Variants in SLC29A3 observed in about 807,000 individuals in gnomAD.
The protein encoded by SLC29A3 is equilibrative nucleoside transporter 3.
Under a neutral mutation model 25.4 loss-of-function variants are expected in SLC29A3, and 18 were observed. That is an observed-to-expected ratio of 0.71 (90% confidence interval 0.49 to 1.05). SLC29A3 has a LOEUF of 1.05. Ranked by LOEUF, SLC29A3 falls within the 50% of genes least tolerant of loss-of-function variation. SLC29A3 has a pLI of 0.00. For missense variants in SLC29A3, 586 were observed against 609.0 expected, an observed-to-expected ratio of 0.96 and a Z score of 0.40; for synonymous variants, 258 against 267.1, an observed-to-expected ratio of 0.97 and a Z score of 0.33.
chr10:71,362,384 G>T lies in SLC29A3; in HGVS notation c.1204G>T (p.Val402Phe). ...LFVLCNYQPRVHLKTVVFQSD... is the reference protein window; with the variant it reads ...LFVLCNYQPRFHLKTVVFQSD... ...CGTGCTCTGTAACTACCAGCCCCGC[G>T]TCCACCTGAAGACTGTGGTCTTCCA... Residue 402 changes from valine (V) to phenylalanine (F), a missense_variant, in exon 6 of 6, where the codon GTC (valine) becomes TTC (phenylalanine). Val to Phe is a conservative substitution (Grantham distance 50). Coordinates refer to ENST00000373189, the MANE Select transcript of SLC29A3 (RefSeq NM_018344.6). The T allele has an allele frequency of 1.2e-6, 2 of 1,614,074 alleles. No individual in the cohort carries two copies. Among genetic ancestry groups the T allele is most frequent in the African/African-American group, 2.7e-5 (2 of 75,012 alleles).
chr10:71,319,858 T>C (rs1280964912), intron 1 of SLC29A3: 1 of 152,378 alleles, frequency 6.6e-6, no homozygotes, highest in Non-Finnish European at 1.5e-5. Context: ...CCAGATGAGG[T>C]TTTGCCGCGG....
intron 2 of SLC29A3, among the ~76,000 whole-genome samples, chr10:71,331,994 G>A (rs1185400924): frequency 1.3e-5 from 2 of 152,144 alleles, no homozygotes; most frequent in Non-Finnish European, 2.9e-5. Context: ...AGGGGAGCAG[G>A]TATCTAGGAG....
chr10:71,324,112 T>C (rs1323860306), intron 2 of SLC29A3, among the ~76,000 whole-genome samples: 3 of 152,082 alleles, frequency 2.0e-5, no homozygotes, highest in Non-Finnish European at 4.4e-5. Flanking sequence ...GGGAGATAAA[T>C]GGAGCTCAAC....
rs1589240715 is a variant in SLC29A3, at chr10:71,356,255, A to G, written c.773+12A>G. The G allele has an allele frequency of 6.2e-7, 1 of 1,612,310 alleles. No individual in the cohort carries two copies. Among genetic ancestry groups the G allele is most frequent in the African/African-American group, 1.3e-5 (1 of 75,008 alleles). On this transcript the variant is annotated intron_variant, in intron 5 of 5. Transcript: ENST00000373189. The stretch of plus-strand genomic sequence containing the variant: ...CTGGAGTATGCCAGGTGAAGGTGCC[A>G]CTCACTGTCCATGCCTCCTTCCTGT...
At chr10:71,330,651 A>C (rs1355422772) in intron 2 of SLC29A3, among the ~76,000 whole-genome samples, 1 of 152,200 alleles carries the variant, frequency 6.6e-6, no homozygotes, top group Non-Finnish European at 1.5e-5. Flanking sequence ...CTGCAGACAC[A>C]GGTAGGGTGG....
chr10:71,348,173 C>G (rs557386489), intron 3 of SLC29A3, among the ~76,000 whole-genome samples: 2 of 152,368 alleles, frequency 1.3e-5, no homozygotes, highest in East Asian at 3.9e-4. Flanking sequence ...AATATTTACC[C>G]AGTGCCTGCC....
At position 71,363,216 on chromosome 10, in the gene SLC29A3, GC is replaced by G. The variant is rs2131853420; in HGVS notation, c.*610del. ...TGCTTCATTCCAGAGGGACCAGAGG[GC>G]CTCCCTGTGCAAGGGATCAAGCATG... On this transcript the variant is annotated 3_prime_UTR_variant, in exon 6 of 6. Transcript: ENST00000373189. The G allele has an allele frequency of 2.2e-6, 1 of 453,708 alleles. No homozygotes were observed. Among genetic ancestry groups the G allele is most frequent in the East Asian group, 6.9e-5 (1 of 14,390 alleles). The allele number at this position is 453,708 out of a possible 1,614,324, so 28.1% of individuals were successfully genotyped here.
intron 2 of SLC29A3, among the ~76,000 whole-genome samples, chr10:71,336,957 G>T (rs962649463): frequency 2.0e-5 from 3 of 152,160 alleles, no homozygotes. Context: ...AAGGAGGGAC[G>T]GTTGCATGCA....
At chr10:71,324,667 G>A (rs1845925217) in intron 2 of SLC29A3, among the ~76,000 whole-genome samples, 1 of 152,176 alleles carries the variant, frequency 6.6e-6, no homozygotes, top group African/African-American at 2.4e-5. Flanking sequence ...GGGAGAGCTG[G>A]GTTCCACAAG....
Position 71,362,652 on chromosome 10 carries a change from T to A in SLC29A3, c.*44T>A, listed in dbSNP as rs1280058329. The A allele has an allele frequency of 6.2e-7, 1 of 1,612,598 alleles. No homozygotes were observed. The highest frequency in any genetic ancestry group is 1.3e-5 in the African/African-American group (1 of 74,848). ...ATTGGTGCTTCAGAGCCTTTGAAGA[T>A]GAGAAGAGAGTGCAGGAGGGCTGGG... On this transcript the variant is annotated 3_prime_UTR_variant, in exon 6 of 6. Transcript: ENST00000373189.
chr10:71,319,938 A>G (rs1400499273), intron 1 of SLC29A3, among the ~76,000 whole-genome samples: 1 of 152,248 alleles, frequency 6.6e-6, no homozygotes, highest in Non-Finnish European at 1.5e-5. Flanking sequence ...CAGGTGACCC[A>G]GGAGCACGTT....
chr10:71,351,483 C>T, intron 3 of SLC29A3, 79 bp from the exon 4 acceptor site: 1 of 1,309,180 alleles, frequency 7.6e-7, no homozygotes, highest in East Asian at 2.3e-5. Context: ...CGCCTGCTTC[C>T]CTTAAGGTGG....
chr10:71,319,455 C>T, intron 1 of SLC29A3, 145 bp downstream of exon 1: 1 of 456,590 alleles, frequency 2.2e-6, no homozygotes, highest in Non-Finnish European at 3.9e-6. Flanking sequence ...GGTCCCTTCC[C>T]CACCGTCCCT....
intron 5 of SLC29A3, among the ~76,000 whole-genome samples, chr10:71,360,725 T>G (rs1847033807): frequency 6.6e-6 from 1 of 152,176 alleles, no homozygotes; most frequent in South Asian, 2.1e-4. Context: ...TGTGCAAGGA[T>G]TTATGTGTAG....
chr10:71,325,371 C>G (rs1282124348), intron 2 of SLC29A3, among the ~76,000 whole-genome samples: 1 of 152,204 alleles, frequency 6.6e-6, no homozygotes, highest in Non-Finnish European at 1.5e-5. Flanking sequence ...TTTCCACGCA[C>G]ATGTGTGAGA....
At chr10:71,345,294 TGTCATACTCTCTC>T (rs1846538278) in intron 3 of SLC29A3, among the ~76,000 whole-genome samples, 2 of 152,246 alleles carry the variant, frequency 1.3e-5, no homozygotes, top group African/African-American at 4.8e-5. Flanking sequence ...GAGGTTCAGC[TGTCATACTCTCTC>T]CTGCAGTTGC....
chr10:71,377,909 A>T (rs1458539474), intron 4 of SLC29A3, among the ~76,000 whole-genome samples: 3 of 151,672 alleles, frequency 2.0e-5, no homozygotes, highest in African/African-American at 7.3e-5. Flanking sequence ...TCTTGGCCAA[A>T]CTACCTCAAA....
At chr10:71,329,901 A>G (rs1166339612) in intron 2 of SLC29A3, among the ~76,000 whole-genome samples, 1 of 152,232 alleles carries the variant, frequency 6.6e-6, no homozygotes, top group Admixed American at 6.5e-5. Context: ...CGAGTTGTCA[A>G]ACCTGGCAGT....
chr10:71,358,550 C>T (rs1678413560), intron 5 of SLC29A3, among the ~76,000 whole-genome samples: 1 of 152,232 alleles, frequency 6.6e-6, no homozygotes, highest in African/African-American at 2.4e-5. Context: ...CTCCATCCCC[C>T]AGCATCCTGT....
Sources: allele counts gnomAD v4.1 joint callset (sites outside exome capture counted in the v4.1 genomes callset), GRCh38; gene constraint gnomAD v4.1.1; transcripts MANE v1.5; gene names NCBI Gene and HGNC (gene_info 2026-07-23, HGNC 2026-07-21).